KCNQ5: variants seen among roughly 807,000 people sequenced by gnomAD.
KCNQ5 encodes potassium voltage-gated channel subfamily Q member 5, also known as potassium voltage-gated channel subfamily KQT member 5.
In KCNQ5, 30 loss-of-function variants were observed where a neutral mutation model predicts 98.2. The observed-to-expected ratio is 0.31, with a 90% CI of 0.23 to 0.41. The LOEUF (loss-of-function observed/expected upper bound fraction) is 0.41. Among genes scored for constraint, KCNQ5 ranks in the 10% least tolerant of loss-of-function variants. The pLI is 1.00. For missense variants in KCNQ5, 835 were observed against 1,182.5 expected (o/e 0.71, Z 4.31); for synonymous variants, 458 against 449.4 (o/e 1.02, Z -0.24).
chr6:73,019,713 T>C (rs1000819334), intron 2 of KCNQ5, among the ~76,000 whole-genome samples: 1 of 152,192 alleles, frequency 6.6e-6, no homozygotes, highest in African/African-American at 2.4e-5. Context: ...AAGGGAACTA[T>C]CAGGCAGTTT....
chr6:73,116,637 C>A (rs1186268498), intron 7 of KCNQ5, among the ~76,000 whole-genome samples: 1 of 152,152 alleles, frequency 6.6e-6, no homozygotes, highest in Non-Finnish European at 1.5e-5. Context: ...AATTGTACCA[C>A]TGCACTCCAG....
rs891729517 is a variant in KCNQ5 at position 72,666,459 on chromosome 6, C to T, written c.398+43872C>T. ...TGAAAGAGCATTTAATATTTTTCGC[C>T]AAATTTAATAGGCTAAGTGGTTTAC... On this transcript the variant is annotated intron_variant, in intron 1 of 13. Transcript: ENST00000370398. 1.4e-4 allele frequency among the ~76,000 whole-genome samples: 22 copies of T among 152,200 alleles called. No individual in the cohort carries two copies. The East Asian group carries it at 2.7e-3, about 19-fold the overall frequency.
At chr6:72,876,424 CATAAAAACA>C (rs1467933458) in intron 1 of KCNQ5, among the ~76,000 whole-genome samples, 1 of 152,146 alleles carries the variant, frequency 6.6e-6, no homozygotes, top group East Asian at 1.9e-4. Flanking sequence ...CTCAAATACT[CATAAAAACA>C]ATAAAATCTT....
At chr6:72,943,298 T>C (rs1364450266) in intron 1 of KCNQ5, among the ~76,000 whole-genome samples, 1 of 152,144 alleles carries the variant, frequency 6.6e-6, no homozygotes, top group Non-Finnish European at 1.5e-5. Flanking sequence ...AGATAGGGAA[T>C]TGAACATAAA....
chr6:73,060,405 A>G (rs1394348058), intron 3 of KCNQ5, among the ~76,000 whole-genome samples: 2 of 152,214 alleles, frequency 1.3e-5, no homozygotes, highest in East Asian at 3.8e-4. Flanking sequence ...CCAGATTCCA[A>G]GATAAACTCC....
chr6:73,190,651 A>G lies in KCNQ5; in HGVS notation c.1656A>G (p.Gln552=), dbSNP rs778515398. 3.1e-6 allele frequency: 5 copies of G among 1,598,736 alleles called. No homozygotes were observed. The African/African-American group carries it at 4.0e-5, about 13-fold the overall frequency. ...RPYDVKDVIE[Q]YSAGHLDMLC... ...ATGATGTAAAAGATGTCATTGAACA[A>G]TATTCTGCTGGTCATCTGGACATGT... Residue 552 remains glutamine (Q), a synonymous_variant, in exon 12 of 14, where the codon CAA becomes CAG. Transcript: ENST00000370398.
chr6:72,971,376 G>A (rs1310451864), intron 1 of KCNQ5, among the ~76,000 whole-genome samples: 1 of 152,196 alleles, frequency 6.6e-6, no homozygotes, highest in Non-Finnish European at 1.5e-5. Context: ...GGAAAAACAG[G>A]AACACTTTTA....
chr6:72,867,060 G>C (rs1262847735), intron 1 of KCNQ5, among the ~76,000 whole-genome samples: 1 of 152,126 alleles, frequency 6.6e-6, no homozygotes, highest in Non-Finnish European at 1.5e-5. Flanking sequence ...TCACCTATTA[G>C]TTTAATAGTT....
At chr6:72,937,530 A>G (rs886097048) in intron 1 of KCNQ5, among the ~76,000 whole-genome samples, 1 of 152,192 alleles carries the variant, frequency 6.6e-6, no homozygotes, top group Non-Finnish European at 1.5e-5. Context: ...AATAAAAAGT[A>G]ATTTTCTTTT....
intron 1 of KCNQ5, among the ~76,000 whole-genome samples, chr6:72,719,319 C>T (rs993476996): frequency 6.6e-6 from 1 of 152,190 alleles, no homozygotes; most frequent in Admixed American, 6.5e-5. Context: ...CTTGCTGTTT[C>T]CATTCTACCT....
At chr6:72,899,731 G>C (rs991505784) in intron 1 of KCNQ5, among the ~76,000 whole-genome samples, 3 of 151,982 alleles carry the variant, frequency 2.0e-5, no homozygotes, top group African/African-American at 7.3e-5. Flanking sequence ...TGATTTCTGA[G>C]ATTTTGGTGT....
chr6:72,988,110 C>T lies in KCNQ5; in HGVS notation c.399-15798C>T, dbSNP rs11963359. Among the ~76,000 whole-genome samples, 1,112 of 152,292 alleles carry T rather than the reference C, an allele frequency of 7.3e-3. 17 individuals are homozygous for T. Among genetic ancestry groups the T allele is most frequent in the African/African-American group, 0.026 (1,064 of 41,540 alleles). On this transcript the variant is annotated intron_variant, in intron 1 of 13. Coordinates refer to ENST00000370398, the MANE Select transcript of KCNQ5 (RefSeq NM_019842.4). ...AAAACCTCCTGTTTTCTGTGTTAAACATTCCGTCCCTGTTTGAGACATCAA... is the reference window on the plus strand; with the variant it reads ...AAAACCTCCTGTTTTCTGTGTTAAATATTCCGTCCCTGTTTGAGACATCAA...
At chr6:72,821,861 G>A (rs1409847339) in intron 1 of KCNQ5, among the ~76,000 whole-genome samples, 1 of 152,000 alleles carries the variant, frequency 6.6e-6, no homozygotes, top group Admixed American at 6.6e-5. Flanking sequence ...TCTATGTAGT[G>A]ATTTCTAGTT....
intron 1 of KCNQ5, among the ~76,000 whole-genome samples, chr6:72,876,965 C>T (rs12211380): frequency 0.39 from 59,914 of 152,058 alleles, 12,567 homozygotes; most frequent in South Asian, 0.5. Context: ...CCATCTGCTG[C>T]GGTGTCAAGT....
intron 1 of KCNQ5, among the ~76,000 whole-genome samples, chr6:72,772,812 G>T (rs1772965536): frequency 6.6e-6 from 1 of 152,106 alleles, no homozygotes; most frequent in South Asian, 2.1e-4. Flanking sequence ...TTTCTCACTT[G>T]CAAACATTGA....
intron 1 of KCNQ5, among the ~76,000 whole-genome samples, chr6:72,753,757 A>G (rs539228915): frequency 6.6e-6 from 1 of 152,114 alleles, no homozygotes. Context: ...ATTTTGACCA[A>G]TTCTAAAAGA....
At chr6:72,927,885 T>C (rs1215569217) in intron 1 of KCNQ5, among the ~76,000 whole-genome samples, 1 of 152,098 alleles carries the variant, frequency 6.6e-6, no homozygotes, top group Non-Finnish European at 1.5e-5. Context: ...CTCTAGACAC[T>C]GTTCCTGGTC....
At chr6:72,855,748 C>CAAAATA in intron 1 of KCNQ5, among the ~76,000 whole-genome samples, 1 of 152,144 alleles carries the variant, frequency 6.6e-6, no homozygotes, top group East Asian at 1.9e-4. Context: ...ATAATGAGTG[C>CAAAATA]TACCAGCTGA....
intron 1 of KCNQ5, among the ~76,000 whole-genome samples, chr6:72,756,499 T>C (rs1771978382): frequency 6.6e-6 from 1 of 152,204 alleles, no homozygotes; most frequent in Non-Finnish European, 1.5e-5. Context: ...TCTTAATTGT[T>C]AATTAGTTGG....
Sources: allele counts gnomAD v4.1 joint callset (sites outside exome capture counted in the v4.1 genomes callset), GRCh38; gene constraint gnomAD v4.1.1; transcripts MANE v1.5; gene names NCBI Gene and HGNC (gene_info 2026-07-23, HGNC 2026-07-21).